Variants in PANX2 observed in about 807,000 individuals in gnomAD.
The protein encoded by PANX2 is pannexin 2.
Under a neutral mutation model 38.7 loss-of-function variants are expected in PANX2, and 30 were observed. The observed-to-expected ratio is 0.78, with a 90% CI of 0.58 to 1.05. The LOEUF (loss-of-function observed/expected upper bound fraction) is 1.05. PANX2 is among the 50% of genes least tolerant of loss of function. PANX2 has a pLI of 0.00. For synonymous variants in PANX2, 539 were observed against 472.1 expected (o/e 1.14, Z -1.84); for missense variants, 880 against 979.3 (o/e 0.90, Z 1.35).
At chr22:50,171,531 G>A (rs1379341260) in intron 1 of PANX2, among the ~76,000 whole-genome samples, 2 of 152,182 alleles carry the variant, frequency 1.3e-5, no homozygotes, top group Admixed American at 6.5e-5. Flanking sequence ...GCAGGGCCAC[G>A]TGTCAGAGCA....
In PANX2 at chr22:50,178,961, C is replaced by T. The variant is rs372483228; in HGVS notation, c.1718C>T (p.Pro573Leu). ...GCTCCGCTCCCCGAGAAGGAAATCC[C>T]GTACCCCACAGAGCCAGCCCGGGCA... ...KDAPLPEKEI[P>L]YPTEPARAGL... The change falls in exon 3 of 3, where the codon CCG (proline) becomes CTG (leucine). Residue 573 changes from proline to leucine, a missense_variant. By Grantham distance (98) the Pro-to-Leu change is moderately conservative. Around this residue, in one of 4 missense-constraint regions of PANX2, gnomAD observed 445 missense variants for 404.3 expected, o/e 1.10. Transcript: ENST00000395842. The T allele has an allele frequency of 3.8e-6, 6 of 1,591,884 alleles. No homozygotes were observed. The African/African-American group carries it at 4.0e-5, about 11-fold the overall frequency.
Position 50,170,970 on chromosome 22 carries a change from C to CCAGGGCG in PANX2, c.226+15_226+16insAGGGCGC, listed in dbSNP as rs1555896097. 6.9e-6 allele frequency: 10 copies of CCAGGGCG among 1,447,680 alleles called. No homozygotes were observed. In the African/African-American group the frequency reaches 1.5e-4, roughly 21 times the overall value. The allele number at this position is 1,447,680 out of a possible 1,614,324, so 89.7% of individuals were successfully genotyped here. A position where few individuals can be genotyped will look rare whatever the true frequency, so the allele number is the denominator to read the frequency against. On this transcript the variant is annotated intron_variant, in intron 1 of 2. Coordinates refer to ENST00000395842, the MANE Select transcript of PANX2 (RefSeq NM_052839.4). The stretch of plus-strand genomic sequence containing the variant: ...AGAACTTCGCAGGTGAGGCCGGCGG[C>CCAGGGCG]CGGGGCGCGGGGCGCGGGCAGAGGG...
At position 50,179,004 on chromosome 22, in the gene PANX2, C is replaced by T. The variant is rs745522679; in HGVS notation, c.1761C>T (p.Gly587=). ...EPARAGLPSG[G]PFHVRSPPAA... Reference sequence around the variant, plus strand: ...CCCGGGCAGGGCTTCCCTCGGGGGGCCCGTTCCACGTCCGCTCACCTCCCG... The same window carrying T: ...CCCGGGCAGGGCTTCCCTCGGGGGGTCCGTTCCACGTCCGCTCACCTCCCG... The change falls in exon 3 of 3, where the codon GGC becomes GGT. Residue 587 remains glycine (G), a synonymous_variant. Coordinates refer to ENST00000395842, the MANE Select transcript of PANX2 (RefSeq NM_052839.4). 13 of 1,609,718 alleles carry T rather than the reference C, an allele frequency of 8.1e-6. No individual in the cohort carries two copies. The highest frequency in any genetic ancestry group is 1.3e-5 in the African/African-American group (1 of 74,852).
chr22:50,178,426 G>T, intron 2 of PANX2, 24 bp downstream of exon 2: 1 of 1,365,216 alleles, frequency 7.3e-7, no homozygotes, highest in Non-Finnish European at 9.5e-7. Flanking sequence ...CGGAGAGAGG[G>T]GACGGGGGAC....
At position 50,179,298 on chromosome 22, in the gene PANX2, G is replaced by A. The variant is rs1007091570; in HGVS notation, c.*21G>A. 3 of 1,594,906 alleles carry A rather than the reference G, an allele frequency of 1.9e-6. No homozygotes were observed. The highest frequency in any genetic ancestry group is 4.5e-5 in the East Asian group (2 of 44,430). On this transcript the variant is annotated 3_prime_UTR_variant, in exon 3 of 3. Transcript: ENST00000395842. ...TTTGAGGGATGGCACCGTCCAGGCC[G>A]CCGAGAGCCCCTCTGCCTGTGTCGT...
rs1182091480 is a variant in PANX2 at position 50,174,409 on chromosome 22, T to C, written c.227-2530T>C. 2.0e-5 allele frequency among the ~76,000 whole-genome samples: 3 copies of C among 152,110 alleles called. No homozygotes were observed. In the East Asian group the frequency reaches 5.8e-4, roughly 29 times the overall value. ...GGGGACGGCATTCTGAATATGGGAA[T>C]ATGGGCCGTGTTGGGGTGTATTCAG... On this transcript the variant is annotated intron_variant, in intron 1 of 2. Transcript: ENST00000395842.
rs922497522 is a variant in PANX2 at position 50,178,407 on chromosome 22, G to T, written c.1690+5G>T. The T allele has an allele frequency of 3.6e-6, 5 of 1,402,686 alleles. No homozygotes were observed. The highest frequency in any genetic ancestry group is 4.6e-6 in the Non-Finnish European group (5 of 1,084,262). 86.9% of individuals were successfully genotyped at this position (1,402,686 alleles called of 1,614,324 possible). On this transcript the variant is annotated splice_donor_5th_base_variant and intron_variant, in intron 2 of 2. Transcript: ENST00000395842. ...TGGCCCCGGCGCCCATCAAAGGTAG[G>T]GGCAGGGCCGGAGAGAGGGGACGGG...
rs1185591963 is a variant in PANX2 at position 50,179,429 on chromosome 22, C to T, written c.*152C>T. The T allele has an allele frequency of 5.7e-6, 4 of 702,672 alleles. No individual in the cohort carries two copies. Among genetic ancestry groups the T allele is most frequent in the African/African-American group, 1.8e-5 (1 of 54,972 alleles). The allele number at this position is 702,672 out of a possible 1,614,324, so 43.5% of individuals were successfully genotyped here. A position where few individuals can be genotyped will look rare whatever the true frequency, so the allele number is the denominator to read the frequency against. Reference sequence around the variant, plus strand: ...CCTCTGTCCGCATGCCTGGGGCCTTCGCCCCCACGTGCTCGACAGGGGAAC... The same window carrying T: ...CCTCTGTCCGCATGCCTGGGGCCTTTGCCCCCACGTGCTCGACAGGGGAAC... On this transcript the variant is annotated 3_prime_UTR_variant, in exon 3 of 3. Transcript: ENST00000395842.
In PANX2 at chr22:50,177,729, G is replaced by A. The variant is rs746299531; in HGVS notation, c.1017G>A (p.Ser339=). The A allele has an allele frequency of 1.9e-6, 3 of 1,609,672 alleles. No homozygotes were observed. The highest frequency in any genetic ancestry group is 2.2e-5 in the East Asian group (1 of 44,864). The change falls in exon 2 of 3, where the codon TCG becomes TCA. Residue 339 remains serine, a synonymous_variant. Coordinates refer to ENST00000395842, the MANE Select transcript of PANX2 (RefSeq NM_052839.4). The part of the protein sequence containing the change: ...GIKTRRQWRR[S]QFCDINILAM... ...AGACGCGCCGGCAGTGGCGCCGCTC[G>A]CAGTTCTGCGACATCAACATCCTGG...
Position 50,170,887 on chromosome 22 carries a change from G to T in PANX2, c.157G>T (p.Val53Leu). 1 of 1,520,066 alleles carries T rather than the reference G, an allele frequency of 6.6e-7. No homozygotes were observed. The highest frequency in any genetic ancestry group is 8.8e-7 in the Non-Finnish European group (1 of 1,132,102). The allele number at this position is 1,520,066 out of a possible 1,614,324, so 94.2% of individuals were successfully genotyped here. A position where few individuals can be genotyped will look rare whatever the true frequency, so the allele number is the denominator to read the frequency against. ...QLKLELPFDR[V>L]VTIGTVLVPI... Reference sequence around the variant, plus strand: ...GAAGCTGGAGCTGCCGTTCGACCGGGTGGTCACCATCGGCACCGTGCTGGT... The same window carrying T: ...GAAGCTGGAGCTGCCGTTCGACCGGTTGGTCACCATCGGCACCGTGCTGGT... Residue 53 changes from valine to leucine, a missense_variant, in exon 1 of 3, where the codon GTG becomes TTG. By Grantham distance (32) the Val-to-Leu change is conservative. Around this residue, in one of 4 missense-constraint regions of PANX2, gnomAD observed 243 missense variants for 333.1 expected, o/e 0.73. Transcript: ENST00000395842.
Position 50,176,946 on chromosome 22 carries a change from C to A in PANX2, c.234C>A (p.Pro78=). 1 of 1,531,446 alleles carries A rather than the reference C, an allele frequency of 6.5e-7. No homozygotes were observed. The highest frequency in any genetic ancestry group is 2.3e-5 in the East Asian group (1 of 44,004). 94.9% of individuals were successfully genotyped at this position (1,531,446 alleles called of 1,614,324 possible). A position where few individuals can be genotyped will look rare whatever the true frequency, so the allele number is the denominator to read the frequency against. The change falls in exon 2 of 3, where the codon CCC becomes CCA. Residue 78 remains proline (P), a synonymous_variant. Transcript: ENST00000395842. The part of the protein sequence containing the change: ...LVFTKNFAEE[P]IYCYTPHNFT... ...TCTCCTCTTTGCCCCCAGAGGAACC[C>A]ATTTACTGTTACACCCCGCACAACT...
At position 50,177,949 on chromosome 22, in the gene PANX2, G is replaced by C; in HGVS notation, c.1237G>C (p.Glu413Gln). 1 of 1,532,974 alleles carries C rather than the reference G, an allele frequency of 6.5e-7. No homozygotes were observed. Among genetic ancestry groups the C allele is most frequent in the Non-Finnish European group, 8.7e-7 (1 of 1,144,292 alleles). The allele number at this position is 1,532,974 out of a possible 1,614,324, so 95.0% of individuals were successfully genotyped here. ...QTVDPSANPAEPDGAAEPPVV... is the reference protein window; with the variant it reads ...QTVDPSANPAQPDGAAEPPVV... ...CGTGGACCCCAGCGCCAACCCCGCCGAGCCCGACGGCGCCGCCGAGCCGCC... is the reference window on the plus strand; with the variant it reads ...CGTGGACCCCAGCGCCAACCCCGCCCAGCCCGACGGCGCCGCCGAGCCGCC... The change falls in exon 2 of 3, where the codon GAG (glutamate) becomes CAG (glutamine). Residue 413 changes from glutamate (E) to glutamine (Q), a missense_variant. Physicochemically the swap from Glu to Gln is conservative, Grantham distance 29. Around this residue, in one of 4 missense-constraint regions of PANX2, gnomAD observed 445 missense variants for 404.3 expected, o/e 1.10. Coordinates refer to ENST00000395842, the MANE Select transcript of PANX2 (RefSeq NM_052839.4).
chr22:50,177,753 G>A lies in PANX2; in HGVS notation c.1041G>A (p.Leu347=). ...CGCAGTTCTGCGACATCAACATCCTGGCCATGTTCTGCAACGAGAACCGCG... is the reference window on the plus strand; with the variant it reads ...CGCAGTTCTGCGACATCAACATCCTAGCCATGTTCTGCAACGAGAACCGCG... ...RRSQFCDINI[L]AMFCNENRDH... is the part of the protein sequence containing the mutation. Residue 347 remains leucine, a synonymous_variant, in exon 2 of 3, where the codon CTG becomes CTA. Coordinates refer to ENST00000395842, the MANE Select transcript of PANX2 (RefSeq NM_052839.4). 1 of 1,609,136 alleles carries A rather than the reference G, an allele frequency of 6.2e-7. No individual in the cohort carries two copies. Among genetic ancestry groups the A allele is most frequent in the Non-Finnish European group, 8.5e-7 (1 of 1,179,756 alleles).
In PANX2 at chr22:50,178,374, G is replaced by T; in HGVS notation, c.1662G>T (p.Gly554=). ...GGFLSQAEDC[G]LGLAPAPIKD... ...TCCTGTCCCAGGCGGAGGACTGTGG[G>T]CTAGGCCTGGCCCCGGCGCCCATCA... is the stretch of plus-strand genomic sequence containing the variant. The change falls in exon 2 of 3, where the codon GGG becomes GGT. Residue 554 remains glycine, a synonymous_variant. Coordinates refer to ENST00000395842, the MANE Select transcript of PANX2 (RefSeq NM_052839.4). 6.8e-7 allele frequency: 1 copy of T among 1,460,280 alleles called. No individual in the cohort carries two copies. Among genetic ancestry groups the T allele is most frequent in the Non-Finnish European group, 9.0e-7 (1 of 1,113,194 alleles). The allele number at this position is 1,460,280 out of a possible 1,614,324, so 90.5% of individuals were successfully genotyped here.
intron 2 of PANX2, 112 bp from the exon 3 acceptor site, chr22:50,178,822 A>C: frequency 1.1e-6 from 1 of 903,938 alleles, no homozygotes; most frequent in Non-Finnish European, 1.6e-6. Flanking sequence ...CAGCGTCTCC[A>C]GGGCGCTTCA....
In PANX2 at chr22:50,178,266, C is replaced by T. The variant is rs1334570488; in HGVS notation, c.1554C>T (p.His518=). Residue 518 remains histidine, a synonymous_variant, in exon 2 of 3, where the codon CAC becomes CAT. Transcript: ENST00000395842. ...CGCGCCACTTCTCCCTGGACGTGCA[C>T]CCCTACATCCTCGGCACCAAGAAGG... is the stretch of plus-strand genomic sequence containing the variant. ...KHARHFSLDV[H]PYILGTKKAK... 6 of 1,531,500 alleles carry T rather than the reference C, an allele frequency of 3.9e-6. No homozygotes were observed. Among genetic ancestry groups the T allele is most frequent in the Non-Finnish European group, 5.2e-6 (6 of 1,145,444 alleles). 94.9% of individuals were successfully genotyped at this position (1,531,500 alleles called of 1,614,324 possible).
In PANX2 at chr22:50,170,736, C is replaced by G. The variant is rs958706240; in HGVS notation, c.6C>G (p.His2Gln). M[H>Q]HLLEQSADMA... ...GGCCGCGCCCCCCGCCCCCCATGCA[C>G]CACCTCCTGGAGCAGTCGGCGGACA... Residue 2 changes from histidine to glutamine, a missense_variant, in exon 1 of 3, where the codon CAC becomes CAG. Coordinates refer to ENST00000395842, the MANE Select transcript of PANX2 (RefSeq NM_052839.4). The G allele has an allele frequency of 1.3e-5, 16 of 1,213,180 alleles. No individual in the cohort carries two copies. Among genetic ancestry groups the G allele is most frequent in the Non-Finnish European group, 1.6e-5 (16 of 972,082 alleles). 75.2% of individuals were successfully genotyped at this position (1,213,180 alleles called of 1,614,324 possible).
chr22:50,176,861 C>G (rs1053654979), intron 1 of PANX2, 78 bp from the exon 2 acceptor site: 10 of 1,396,714 alleles, frequency 7.2e-6, no homozygotes. Flanking sequence ...GGCAGGGACG[C>G]GGTCAGGTCC....
At chr22:50,171,530 C>CGTGTCA (rs1229555159) in intron 1 of PANX2, among the ~76,000 whole-genome samples, 1 of 152,138 alleles carries the variant, frequency 6.6e-6, no homozygotes, top group East Asian at 1.9e-4. Flanking sequence ...GGCAGGGCCA[C>CGTGTCA]GTGTCAGAGC....
Sources: gnomAD v4.1 joint callset for allele counts (sites outside exome capture counted in the v4.1 genomes callset) on GRCh38, gnomAD v4.1.1 for gene constraint, gnomAD v4.1.1 regional missense constraint, MANE v1.5 for transcripts, NCBI Gene and HGNC (gene_info 2026-07-23, HGNC 2026-07-21) for gene names.